The following ATP8B1 variants were observed in gnomAD, a reference collection of about 807,000 sequenced individuals.
ATP8B1 encodes the protein phospholipid-transporting ATPase IC.
A neutral mutation model predicts 149.9 loss-of-function variants in ATP8B1; 80 were observed. That is an observed-to-expected ratio of 0.53 (90% CI 0.45 to 0.64). The LOEUF (loss-of-function observed/expected upper bound fraction) is 0.64, where lower values mean the gene tolerates loss of function less well. Ranked by LOEUF, ATP8B1 falls within the 30% of genes least tolerant of loss-of-function variation. The pLI, the probability that ATP8B1 is intolerant of heterozygous loss-of-function variation, is 0.00. For missense variants in ATP8B1, 1,247 were observed against 1,552.6 expected, an observed-to-expected ratio of 0.80 and a Z score of 3.31; for synonymous variants, 536 against 562.8, an observed-to-expected ratio of 0.95 and a Z score of 0.67.
In ATP8B1 at chr18:57,800,902, A is replaced by G. The variant is rs143993318; in HGVS notation, c.-26+2096T>C. On this transcript the variant is annotated intron_variant, in intron 1 of 27. Coordinates refer to ENST00000648908, the MANE Select transcript of ATP8B1 (RefSeq NM_001374385.1). ...AAGGAAAAGAACATTCTACAGCCAG[A>G]TCTGGTAGTGACTCCATTAGCACTA... Among the ~76,000 whole-genome samples the G allele has an allele frequency of 9.3e-4, 141 of 152,364 alleles. 1 individual carries two copies. Among genetic ancestry groups the G allele is most frequent in the Middle Eastern group, 3.4e-3 (1 of 294 alleles).
At chr18:57,753,468 A>T (rs1333038558) in intron 1 of ATP8B1, among the ~76,000 whole-genome samples, 1 of 148,666 alleles carries the variant, frequency 6.7e-6, no homozygotes, top group African/African-American at 2.4e-5. Flanking sequence ...TCCTTCACAT[A>T]AACCAATGTA....
chr18:57,710,175 AAAGAG>A (rs1218360781), intron 2 of ATP8B1, among the ~76,000 whole-genome samples: 1 of 152,082 alleles, frequency 6.6e-6, no homozygotes, highest in Non-Finnish European at 1.5e-5. Context: ...TTGACAAAGA[AAAGAG>A]AAGAAATAAG....
At chr18:57,800,105 C>T (rs1480067433) in intron 1 of ATP8B1, among the ~76,000 whole-genome samples, 1 of 152,094 alleles carries the variant, frequency 6.6e-6, no homozygotes, top group Non-Finnish European at 1.5e-5. Flanking sequence ...AAAAACTTTC[C>T]AGGAGACTAA....
chr18:57,717,593 T>TAAAA (rs2079596205), intron 2 of ATP8B1, among the ~76,000 whole-genome samples: 1 of 81,932 alleles, frequency 1.2e-5, no homozygotes, highest in Non-Finnish European at 2.5e-5. Context: ...AAAAAAGAAC[T>TAAAA]AGAAAAGCAA....
chr18:57,708,930 C>T (rs1379199852), intron 2 of ATP8B1, among the ~76,000 whole-genome samples: 1 of 152,078 alleles, frequency 6.6e-6, no homozygotes, highest in Admixed American at 6.6e-5. Context: ...CATCAGACCT[C>T]GAGTAGGTGC....
chr18:57,699,720 C>CAAAAAAAAAAAAA (rs1913021783), intron 6 of ATP8B1, among the ~76,000 whole-genome samples: 1 of 105,918 alleles, frequency 9.4e-6, no homozygotes, highest in African/African-American at 2.8e-5. Context: ...GACTCCGTCT[C>CAAAAAAAAAAAAA]AAAAAAATAA....
At chr18:57,795,888 G>A (rs1004711266) in intron 1 of ATP8B1, among the ~76,000 whole-genome samples, 22 of 148,202 alleles carry the variant, frequency 1.5e-4, no homozygotes, top group African/African-American at 5.5e-4. Context: ...AAAAAAAAAA[G>A]TCAGGCGCAG....
chr18:57,781,478 C>G (rs565142337), intron 1 of ATP8B1, among the ~76,000 whole-genome samples: 1 of 152,232 alleles, frequency 6.6e-6, no homozygotes, highest in African/African-American at 2.4e-5. Flanking sequence ...GAATCCAGAG[C>G]TCAGAAAGAT....
chr18:57,724,205 C>CATGGG (rs1214083570), intron 2 of ATP8B1, among the ~76,000 whole-genome samples: 20 of 146,448 alleles, frequency 1.4e-4, no homozygotes, highest in Admixed American at 1.1e-3. Context: ...GACTTCATGT[C>CATGGG]CAAAACACCA....
intron 1 of ATP8B1, among the ~76,000 whole-genome samples, chr18:57,771,592 T>G (rs908228546): frequency 6.6e-6 from 1 of 152,136 alleles, no homozygotes; most frequent in African/African-American, 2.4e-5. Context: ...TGTTAAATAA[T>G]GAGCTGTCCA....
At position 57,677,047 on chromosome 18, in the gene ATP8B1, T is replaced by C. The variant is rs8087383; in HGVS notation, c.1631-2025A>G. Among the ~76,000 whole-genome samples, 312 of 152,096 alleles carry C rather than the reference T, an allele frequency of 2.1e-3. 3 individuals carry two copies. Among genetic ancestry groups the C allele is most frequent in the African/African-American group, 7.3e-3 (304 of 41,508 alleles). On this transcript the variant is annotated intron_variant, in intron 15 of 27. Transcript: ENST00000648908. ...AAGAAAAAACCAATAAGAAGAGGAA[T>C]AAATCTCACAGCCAGATACACAAAA...
intron 20 of ATP8B1, 79 bp downstream of exon 20, chr18:57,667,013 A>G: frequency 1.5e-6 from 2 of 1,312,056 alleles, no homozygotes; most frequent in Non-Finnish European, 1.1e-6. Flanking sequence ...ATTTCTTCAT[A>G]TCTGCTATCT....
At chr18:57,660,728 AG>A (rs1297998539) in intron 22 of ATP8B1, among the ~76,000 whole-genome samples, 1 of 152,156 alleles carries the variant, frequency 6.6e-6, no homozygotes. Flanking sequence ...CATCTTGATC[AG>A]GCTGGTCTCG....
chr18:57,656,516 G>C (rs1910008215), intron 22 of ATP8B1, among the ~76,000 whole-genome samples: 1 of 151,480 alleles, frequency 6.6e-6, no homozygotes, highest in African/African-American at 2.4e-5. Context: ...CTCTCGAGTA[G>C]CTGGGATTAC....
At position 57,784,744 on chromosome 18, in the gene ATP8B1, C is replaced by G. The variant is rs1481000889; in HGVS notation, c.-26+18254G>C. Among the ~76,000 whole-genome samples the G allele has an allele frequency of 6.6e-6, 1 of 152,128 alleles. No individual in the cohort carries two copies. The highest frequency in any genetic ancestry group is 6.5e-5 in the Admixed American group (1 of 15,272). The stretch of plus-strand genomic sequence containing the variant: ...GAAACCGTAGCATTTTAAGAGGACT[C>G]CTACCCGTGGTTTAGGGTAGAATTC... On this transcript the variant is annotated intron_variant, in intron 1 of 27. Coordinates refer to ENST00000648908, the MANE Select transcript of ATP8B1 (RefSeq NM_001374385.1). The surrounding 1 kb of genome is among the most constrained non-coding windows in gnomAD (Gnocchi z 4.4).
chr18:57,652,776 C>T (rs1909712431), intron 24 of ATP8B1, 47 bp from the exon 25 acceptor site: 2 of 1,612,652 alleles, frequency 1.2e-6, no homozygotes, highest in Non-Finnish European at 8.5e-7. Flanking sequence ...CAGGTCAAAG[C>T]AGTCAGAGAT....
chr18:57,731,520 A>T, intron 2 of ATP8B1, 107 bp downstream of exon 2: 2 of 1,263,672 alleles, frequency 1.6e-6, no homozygotes, highest in Non-Finnish European at 2.3e-6. Context: ...ATCAGAGAAG[A>T]TTCTCTCCTA....
chr18:57,694,559 C>G (rs1220395045), intron 11 of ATP8B1, 23 bp downstream of exon 11: 2 of 1,419,404 alleles, frequency 1.4e-6, no homozygotes, highest in East Asian at 4.6e-5. Context: ...GATGAGAGAT[C>G]TACTGAGATG....
chr18:57,735,367 A>C (rs1196773975), intron 1 of ATP8B1: 2 of 153,544 alleles, frequency 1.3e-5, no homozygotes, highest in African/African-American at 4.8e-5. Flanking sequence ...CGTCCTAATC[A>C]AGCTGAACAC....
Sources: gnomAD v4.1 joint callset for allele counts (sites outside exome capture counted in the v4.1 genomes callset) on GRCh38, gnomAD v4.1.1 for gene constraint, Gnocchi (gnomAD v3.1) non-coding constraint, MANE v1.5 for transcripts, NCBI Gene and HGNC (gene_info 2026-07-23, HGNC 2026-07-21) for gene names.